GSR: variants seen among roughly 807,000 people sequenced by gnomAD.
The protein encoded by GSR is glutathione-disulfide reductase.
GSR carries 48 observed loss-of-function variants against 56.5 expected under a neutral mutation model. The observed-to-expected ratio is 0.85, with a 90% confidence interval of 0.67 to 1.08. The LOEUF is 1.08. Among genes scored for constraint, GSR ranks in the 50% least tolerant of loss-of-function variants. The probability of loss-of-function intolerance (pLI) is 0.00; values close to 1 mark genes in which losing one functional copy is unlikely to be tolerated. For synonymous variants in GSR, 264 were observed against 270.8 expected, an observed-to-expected ratio of 0.97 and a Z score of 0.25; for missense variants, 694 against 703.3, an observed-to-expected ratio of 0.99 and a Z score of 0.15.
At chr8:30,686,216 T>C (rs1415770066) in intron 9 of GSR, among the ~76,000 whole-genome samples, 1 of 152,042 alleles carries the variant, frequency 6.6e-6, no homozygotes, top group Non-Finnish European at 1.5e-5. Context: ...GTAAATTATC[T>C]AGTATCTCTG....
At position 30,715,572 on chromosome 8, in the gene GSR, C is replaced by T. The variant is rs539257690; in HGVS notation, c.307-3484G>A. Among the ~76,000 whole-genome samples, 93 of 152,314 alleles carry T rather than the reference C, an allele frequency of 6.1e-4. 1 individual carries two copies. Among genetic ancestry groups the T allele is most frequent in the African/African-American group, 2.1e-3 (88 of 41,578 alleles). ...CCTTTTCCAGTTATTTGGCAGGCAA[C>T]GTGCTTCCCCGTGCCTTCCACCCAC... On this transcript the variant is annotated intron_variant, in intron 1 of 12. Coordinates refer to ENST00000221130, the MANE Select transcript of GSR (RefSeq NM_000637.5).
chr8:30,679,468 C>A lies in GSR; in HGVS notation c.*52G>T. On this transcript the variant is annotated 3_prime_UTR_variant, in exon 13 of 13. Coordinates refer to ENST00000221130, the MANE Select transcript of GSR (RefSeq NM_000637.5). ...AGTAAGTCAATGTGATTATTTGTTT[C>A]ATTTCAGAAGATCTATGGGTCCCAC... is the stretch of plus-strand genomic sequence containing the variant. 2 of 1,547,508 alleles carry A rather than the reference C, an allele frequency of 1.3e-6. No homozygotes were observed. The highest frequency in any genetic ancestry group is 1.8e-6 in the Non-Finnish European group (2 of 1,120,450).
chr8:30,678,150 T>C lies in GSR; in HGVS notation c.*1370A>G, dbSNP rs1359112058. On this transcript the variant is annotated 3_prime_UTR_variant, in exon 13 of 13. Transcript: ENST00000221130. ...AAATGACAAGAACACATACAAATAT[T>C]GAAATTATTCATTGAACTATAAACA... 3 of 151,976 alleles carry C rather than the reference T, an allele frequency of 2.0e-5. No individual in the cohort carries two copies. The highest frequency in any genetic ancestry group is 2.9e-5 in the Non-Finnish European group (2 of 68,002). 9.4% of individuals were successfully genotyped at this position (151,976 alleles called of 1,614,324 possible). A position where few individuals can be genotyped will look rare whatever the true frequency, so the allele number is the denominator to read the frequency against.
intron 1 of GSR, among the ~76,000 whole-genome samples, chr8:30,720,107 G>A (rs1361688906): frequency 6.6e-6 from 1 of 152,032 alleles, no homozygotes; most frequent in African/African-American, 2.4e-5. Flanking sequence ...CCAGCTACAT[G>A]GGAGGCTGAG....
chr8:30,696,874 TC>T (rs1311599583), intron 6 of GSR, among the ~76,000 whole-genome samples: 1 of 152,138 alleles, frequency 6.6e-6, no homozygotes, highest in Non-Finnish European at 1.5e-5. Flanking sequence ...TTTTATATTT[TC>T]TTTTGTAGAG....
intron 9 of GSR, among the ~76,000 whole-genome samples, chr8:30,685,032 TCTCTGCAAGCTCTGC>T (rs1488391839): frequency 6.6e-6 from 1 of 151,724 alleles, no homozygotes; most frequent in Non-Finnish European, 1.5e-5. Flanking sequence ...CGATCTAGGC[TCTCTGCAAGCTCTGC>T]CTCCCAGGTT....
In GSR at chr8:30,681,939, G is replaced by C; in HGVS notation, c.1276C>G (p.Leu426Val). Residue 426 changes from leucine to valine, a missense_variant, in exon 11 of 13, where the codon CTC becomes GTC. Leu to Val is a conservative substitution (Grantham distance 32). Coordinates refer to ENST00000221130, the MANE Select transcript of GSR (RefSeq NM_000637.5). Reference sequence around the variant, plus strand: ...GTTTTTAAATACCTACCTTCCGTGAGTCCCACTGTCCCAATAGGGGGGTGG... The same window carrying C: ...GTTTTTAAATACCTACCTTCCGTGACTCCCACTGTCCCAATAGGGGGGTGG... ...FSHPPIGTVG[L>V]TEDEAIHKYG... 2.5e-6 allele frequency: 4 copies of C among 1,613,706 alleles called. No homozygotes were observed. Among genetic ancestry groups the C allele is most frequent in the Non-Finnish European group, 3.4e-6 (4 of 1,179,608 alleles).
chr8:30,682,063 T>C lies in GSR; in HGVS notation c.1154-2A>G, dbSNP rs1188900324. The C allele has an allele frequency of 6.2e-7, 1 of 1,611,562 alleles. No individual in the cohort carries two copies. The highest frequency in any genetic ancestry group is 8.5e-7 in the Non-Finnish European group (1 of 1,177,656). On this transcript the variant is annotated splice_acceptor_variant, in intron 10 of 12. Transcript: ENST00000221130. LOFTEE classifies it high-confidence loss of function. ...GTTTTCGGCCAGCAGCTATTGCAAC[T>C]ATGGAGATATTTTAAAATCAGTGTT...
intron 3 of GSR, 142 bp downstream of exon 3, chr8:30,709,672 A>G: frequency 1.4e-6 from 1 of 697,468 alleles, no homozygotes; most frequent in Admixed American, 2.1e-5. Context: ...TCAATTGTAT[A>G]CTTAAAAATG....
At chr8:30,718,554 T>C (rs2128748427) in intron 1 of GSR, among the ~76,000 whole-genome samples, 2 of 152,220 alleles carry the variant, frequency 1.3e-5, no homozygotes. Flanking sequence ...AAGGCGGAGA[T>C]AAATTCCCCA....
chr8:30,688,500 C>T (rs1477035740), intron 9 of GSR, among the ~76,000 whole-genome samples: 1 of 150,326 alleles, frequency 6.7e-6, no homozygotes, highest in African/African-American at 2.4e-5. Context: ...GATCAGTTGA[C>T]CCCAGGAATT....
chr8:30,692,439 G>T (rs373498860), intron 8 of GSR, among the ~76,000 whole-genome samples: 2 of 143,964 alleles, frequency 1.4e-5, no homozygotes, highest in African/African-American at 5.1e-5. Context: ...CAGGTGATCC[G>T]CCTGCCTCGA....
intron 1 of GSR, among the ~76,000 whole-genome samples, chr8:30,721,242 C>G (rs1199554817): frequency 6.6e-6 from 1 of 152,194 alleles, no homozygotes; most frequent in Non-Finnish European, 1.5e-5. Context: ...AAGAAAAGGA[C>G]CTAGGACCTC....
At chr8:30,696,341 TAAC>T in intron 7 of GSR, 36 bp downstream of exon 7, 1 of 1,305,806 alleles carries the variant, frequency 7.7e-7, no homozygotes, top group Non-Finnish European at 1.1e-6. Context: ...TTTTTTAAAT[TAAC>T]ATCAAGAAAA....
chr8:30,695,191 C>T (rs1057488608), intron 7 of GSR, among the ~76,000 whole-genome samples: 1 of 152,098 alleles, frequency 6.6e-6, no homozygotes, highest in Non-Finnish European at 1.5e-5. Context: ...CAAATTTGTA[C>T]ACTTTCTTAA....
chr8:30,693,533 A>ATT (rs143200548), intron 7 of GSR, among the ~76,000 whole-genome samples: 49 of 146,930 alleles, frequency 3.3e-4, no homozygotes, highest in African/African-American at 1.1e-3. Context: ...TAGTTCTTTT[A>ATT]TTTTTATTTT....
chr8:30,692,495 C>CT (rs71206280), intron 8 of GSR, among the ~76,000 whole-genome samples: 40,286 of 59,100 alleles, frequency 0.68, 15,677 homozygotes, highest in East Asian at 0.86. Context: ...CACACCCAGA[C>CT]TTTTTTTTTT....
Position 30,711,700 on chromosome 8 carries a change from G to T in GSR, c.333+362C>A, listed in dbSNP as rs375217098. The stretch of plus-strand genomic sequence containing the variant: ...ATACAAAAATCAGTCAAGTGCAGTG[G>T]CGCACGCCTGTCATCCCAGCTACTT... On this transcript the variant is annotated intron_variant, in intron 2 of 12. Coordinates refer to ENST00000221130, the MANE Select transcript of GSR (RefSeq NM_000637.5). Among the ~76,000 whole-genome samples, 19 of 152,206 alleles carry T rather than the reference G, an allele frequency of 1.2e-4. No individual in the cohort carries two copies. In the East Asian group the frequency reaches 3.3e-3, roughly 26 times the overall value.
Position 30,712,457 on chromosome 8 carries a change from G to C in GSR, c.307-369C>G, listed in dbSNP as rs538737613. ...AGCACTTTGGGAGCTGAGGCAGTTG[G>C]ATTGCTTAAGCCCATGAATTCGAGA... is the stretch of plus-strand genomic sequence containing the variant. On this transcript the variant is annotated intron_variant, in intron 1 of 12. Transcript: ENST00000221130. Among the ~76,000 whole-genome samples the C allele has an allele frequency of 2.0e-5, 3 of 152,258 alleles. No individual in the cohort carries two copies. In the South Asian group the frequency reaches 6.2e-4, roughly 32 times the overall value.
Sources: gnomAD v4.1 joint callset for allele counts (sites outside exome capture counted in the v4.1 genomes callset) on GRCh38, gnomAD v4.1.1 for gene constraint, MANE v1.5 for transcripts, NCBI Gene and HGNC (gene_info 2026-07-23, HGNC 2026-07-21) for gene names.